Variants in MAGI1 observed in about 807,000 individuals in gnomAD.
MAGI1 encodes membrane associated guanylate kinase, WW and PDZ domain containing 1, also known as membrane-associated guanylate kinase, WW and PDZ domain-containing protein 1.
A neutral mutation model predicts 139.9 loss-of-function variants in MAGI1; 58 were observed. The observed-to-expected ratio is 0.41, with a 90% CI of 0.34 to 0.52. The LOEUF is 0.52. MAGI1 is among the 20% of genes least tolerant of loss of function. The pLI is 0.12. For synonymous variants in MAGI1, 812 were observed against 737.9 expected (o/e 1.10, Z -1.63); for missense variants, 1,874 against 1,901.6 (o/e 0.99, Z 0.27).
chr3:65,362,006 A>G (rs1940910656), intron 21 of MAGI1, among the ~76,000 whole-genome samples: 1 of 152,212 alleles, frequency 6.6e-6, no homozygotes, highest in South Asian at 2.1e-4. Flanking sequence ...AGACACTGGA[A>G]ATAAAAGAAT....
At chr3:65,452,385 A>C (rs967906260) in intron 6 of MAGI1, among the ~76,000 whole-genome samples, 5 of 152,202 alleles carry the variant, frequency 3.3e-5, no homozygotes, top group African/African-American at 4.8e-5. Context: ...GACGAATAAT[A>C]AAGTTCTGTT....
chr3:65,463,293 TG>T (rs1240033249), intron 5 of MAGI1, among the ~76,000 whole-genome samples: 1 of 152,186 alleles, frequency 6.6e-6, no homozygotes, highest in Non-Finnish European at 1.5e-5. Flanking sequence ...CCTAGTTTAT[TG>T]AGTGTTTTTA....
intron 1 of MAGI1, among the ~76,000 whole-genome samples, chr3:65,715,582 G>A (rs1029313847): frequency 6.6e-6 from 1 of 152,048 alleles, no homozygotes; most frequent in Non-Finnish European, 1.5e-5. Flanking sequence ...GCACAATCCA[G>A]GGAAGGAAAT....
chr3:65,426,134 G>C (rs138288330), intron 12 of MAGI1, among the ~76,000 whole-genome samples: 4 of 152,088 alleles, frequency 2.6e-5, no homozygotes, highest in African/African-American at 9.7e-5. Flanking sequence ...CTGAGTGATC[G>C]ACTGGCAAGC....
At chr3:65,522,013 C>T (rs896384225) in intron 2 of MAGI1, among the ~76,000 whole-genome samples, 2 of 152,000 alleles carry the variant, frequency 1.3e-5, no homozygotes, top group African/African-American at 4.8e-5. Flanking sequence ...AGTAGCAATA[C>T]AGAGGGAATA....
Position 65,999,972 on chromosome 3 carries a change from C to CT in MAGI1, c.313+38023dup, listed in dbSNP as rs3048011. 3.9e-3 allele frequency among the ~76,000 whole-genome samples: 446 copies of CT among 113,280 alleles called. 28 individuals carry two copies. Among genetic ancestry groups the CT allele is most frequent in the African/African-American group, 8.7e-3 (254 of 29,114 alleles). 74.3% of individuals were successfully genotyped at this position (113,280 alleles called of 152,430 possible). On this transcript the variant is annotated intron_variant, in intron 1 of 22. Coordinates refer to ENST00000402939, the MANE Select transcript of MAGI1 (RefSeq NM_001033057.2). The stretch of plus-strand genomic sequence containing the variant: ...TTAATCAGGTCTTGTTCCCCCCACG[C>CT]TTTTTTTTTTTTTTTTTTGATACGG...
chr3:65,379,188 C>T, intron 17 of MAGI1, 73 bp downstream of exon 17: 1 of 1,600,234 alleles, frequency 6.2e-7, no homozygotes, highest in Non-Finnish European at 8.5e-7. Context: ...TCTGAGTCAG[C>T]TTTCACTCGC....
At chr3:65,597,783 G>T in intron 2 of MAGI1, 1 of 456,728 alleles carries the variant, frequency 2.2e-6, no homozygotes, top group Non-Finnish European at 4.4e-6. Context: ...TGGAGGGGTG[G>T]CGAGAGGAGA....
At chr3:65,783,561 A>G (rs1297317602) in intron 1 of MAGI1, among the ~76,000 whole-genome samples, 1 of 152,034 alleles carries the variant, frequency 6.6e-6, no homozygotes, top group Admixed American at 6.5e-5. Context: ...TGGCACGATC[A>G]GAGCTCACTG....
At chr3:65,952,704 C>T (rs991059529) in intron 1 of MAGI1, among the ~76,000 whole-genome samples, 2 of 152,124 alleles carry the variant, frequency 1.3e-5, no homozygotes, top group African/African-American at 4.8e-5. Flanking sequence ...GTCCCAGCTA[C>T]TCGGGAGGCT....
intron 2 of MAGI1, among the ~76,000 whole-genome samples, chr3:65,581,860 T>A (rs945953532): frequency 6.6e-6 from 1 of 152,148 alleles, no homozygotes; most frequent in African/African-American, 2.4e-5. Context: ...GCTAGAATCT[T>A]AAACTCCCTG....
At chr3:65,488,569 G>A (rs937632491) in intron 3 of MAGI1, among the ~76,000 whole-genome samples, 1 of 151,968 alleles carries the variant, frequency 6.6e-6, no homozygotes, top group Non-Finnish European at 1.5e-5. Flanking sequence ...TCGAATTCCT[G>A]ACCTAAAATG....
chr3:65,532,638 A>T (rs1016488949), intron 2 of MAGI1: 5 of 152,182 alleles, frequency 3.3e-5, no homozygotes, highest in African/African-American at 9.7e-5. Context: ...TGTTTGGAAA[A>T]ATGCAATTAA....
At position 65,665,151 on chromosome 3, in the gene MAGI1, A is replaced by G. The variant is rs1290693581; in HGVS notation, c.314-43063T>C. ...CCCTTGACTCCCTGTCACACTCAGC[A>G]AATTTCCTACCTCTTTAAAACTTAC... On this transcript the variant is annotated intron_variant, in intron 1 of 22. Coordinates refer to ENST00000402939, the MANE Select transcript of MAGI1 (RefSeq NM_001033057.2). 2.0e-5 allele frequency among the ~76,000 whole-genome samples: 3 copies of G among 152,224 alleles called. 1 individual carries two copies.
At chr3:65,500,788 T>C (rs1452181248) in intron 2 of MAGI1, among the ~76,000 whole-genome samples, 1 of 152,226 alleles carries the variant, frequency 6.6e-6, no homozygotes, top group Non-Finnish European at 1.5e-5. Context: ...TTGTCAATAT[T>C]CCATGATATC....
chr3:65,463,748 T>C (rs1031895690), intron 5 of MAGI1, among the ~76,000 whole-genome samples: 1 of 152,154 alleles, frequency 6.6e-6, no homozygotes, highest in African/African-American at 2.4e-5. Flanking sequence ...TGTGAATCCA[T>C]CTGGTTCTGG....
intron 7 of MAGI1, 64 bp from the exon 8 acceptor site, chr3:65,442,913 A>G: frequency 8.0e-7 from 1 of 1,252,056 alleles, no homozygotes; most frequent in Non-Finnish European, 1.2e-6. Context: ...GGTGTTTTCA[A>G]CAACTGAGTT....
intron 1 of MAGI1, among the ~76,000 whole-genome samples, chr3:65,788,625 C>A (rs1178954089): frequency 6.6e-6 from 1 of 152,196 alleles, no homozygotes; most frequent in Non-Finnish European, 1.5e-5. Context: ...AAAATCATCT[C>A]TACGGTAGCT....
At chr3:65,819,879 A>AAAAAAAAAAAAAAAAAAAAAAG in intron 1 of MAGI1, among the ~76,000 whole-genome samples, 1 of 127,652 alleles carries the variant, frequency 7.8e-6, no homozygotes, top group Non-Finnish European at 1.7e-5. Context: ...CCATCTCAAA[A>AAAAAAAAAAAAAAAAAAAAAAG]AAAAAAAAAA....
Sources: allele counts gnomAD v4.1 joint callset (sites outside exome capture counted in the v4.1 genomes callset), GRCh38; gene constraint gnomAD v4.1.1; transcripts MANE v1.5; gene names NCBI Gene and HGNC (gene_info 2026-07-23, HGNC 2026-07-21).